INPP5A: variants seen among roughly 807,000 people sequenced by gnomAD.
The protein encoded by INPP5A is 43 kDa inositol polyphosphate 5-phophatase.
In INPP5A, 14 loss-of-function variants were observed where a neutral mutation model predicts 65.2. The ratio of observed to expected loss-of-function variants is 0.21; its 90% CI spans 0.14 to 0.34. The LOEUF (loss-of-function observed/expected upper bound fraction) is 0.34, where lower values mean the gene tolerates loss of function less well. Ranked by LOEUF, INPP5A falls within the 10% of genes least tolerant of loss-of-function variation. INPP5A has a pLI of 1.00. For synonymous variants in INPP5A, 207 were observed against 208.3 expected (o/e 0.99, Z 0.05); for missense variants, 431 against 545.6 (o/e 0.79, Z 2.09).
chr10:132,569,759 C>T (rs2071315799), intron 1 of INPP5A, among the ~76,000 whole-genome samples: 1 of 151,622 alleles, frequency 6.6e-6, no homozygotes, highest in Non-Finnish European at 1.5e-5. Flanking sequence ...TCGCCTCAGC[C>T]TCCCAAAGTG....
At chr10:132,725,466 A>C (rs7085447) in intron 8 of INPP5A, among the ~76,000 whole-genome samples, 2 of 152,170 alleles carry the variant, frequency 1.3e-5, no homozygotes, top group East Asian at 3.9e-4. Flanking sequence ...ACAAGACCAC[A>C]TAAGAACTGG....
chr10:132,643,343 A>C (rs556955071), intron 2 of INPP5A, among the ~76,000 whole-genome samples: 1 of 152,198 alleles, frequency 6.6e-6, no homozygotes, highest in African/African-American at 2.4e-5. Context: ...CACGGGCCTG[A>C]AGGATTTTGA....
chr10:132,664,807 C>T (rs190760333), intron 4 of INPP5A, among the ~76,000 whole-genome samples: 156 of 152,310 alleles, frequency 1.0e-3, no homozygotes, highest in African/African-American at 3.5e-3. Context: ...GTGACAAGCA[C>T]GATGTTTTCC....
In INPP5A at chr10:132,753,252, G is replaced by A. The variant is rs1327015043; in HGVS notation, c.903+3407G>A. ...CCATCGACGGAGGGTCAAGGTGGTC[G>A]GACGGGGAGCCTGGGGAGATAATCC... On this transcript the variant is annotated intron_variant, in intron 11 of 15. Coordinates refer to ENST00000368594, the MANE Select transcript of INPP5A (RefSeq NM_005539.5). The surrounding 1 kb of genome is among the most constrained non-coding windows in gnomAD (Gnocchi z 5.3). 2.6e-5 allele frequency among the ~76,000 whole-genome samples: 4 copies of A among 152,176 alleles called. No individual in the cohort carries two copies. Among genetic ancestry groups the A allele is most frequent in the African/African-American group, 4.8e-5 (2 of 41,444 alleles).
chr10:132,781,999 G>A (rs559203103), intron 15 of INPP5A, 38 bp from the exon 16 acceptor site: 1 of 1,612,100 alleles, frequency 6.2e-7, no homozygotes, highest in African/African-American at 1.3e-5. Flanking sequence ...TTTTCCTGGT[G>A]CGTTTGTTCC....
In INPP5A at chr10:132,651,034, C is replaced by T. The variant is rs547621483; in HGVS notation, c.306+529C>T. Among the ~76,000 whole-genome samples, 1 of 152,272 alleles carries T rather than the reference C, an allele frequency of 6.6e-6. No individual in the cohort carries two copies. The highest frequency in any genetic ancestry group is 2.4e-5 in the African/African-American group (1 of 41,564). On this transcript the variant is annotated intron_variant, in intron 4 of 15. Coordinates refer to ENST00000368594, the MANE Select transcript of INPP5A (RefSeq NM_005539.5). This position sits in a 1 kb window ranked among gnomAD's most constrained non-coding sequence, Gnocchi z 5.0. ...CAGGGCTGGGAAAGACCTGTCCCTC[C>T]TCTGCGGTCCTCTGTCAGGTGGACA...
At chr10:132,750,856 C>G (rs917212073) in intron 11 of INPP5A, among the ~76,000 whole-genome samples, 3 of 152,278 alleles carry the variant, frequency 2.0e-5, no homozygotes, top group Admixed American at 2.0e-4. Context: ...GGGGAGTGGC[C>G]GGGGGAGAGG....
At chr10:132,574,681 A>T (rs1355527190) in intron 1 of INPP5A, among the ~76,000 whole-genome samples, 1 of 127,458 alleles carries the variant, frequency 7.8e-6, no homozygotes, top group Admixed American at 7.9e-5. Flanking sequence ...TTTTTTGTAG[A>T]GATGGGGTCT....
chr10:132,760,410 G>A (rs1846711993), intron 11 of INPP5A, among the ~76,000 whole-genome samples: 1 of 152,266 alleles, frequency 6.6e-6, no homozygotes, highest in African/African-American at 2.4e-5. Flanking sequence ...TGCTCCATGA[G>A]AGCTGTGGGC....
At chr10:132,596,434 G>GTTT (rs796621283) in intron 1 of INPP5A, among the ~76,000 whole-genome samples, 1 of 142,778 alleles carries the variant, frequency 7.0e-6, no homozygotes, top group African/African-American at 2.6e-5. Context: ...GTTTTGTTTT[G>GTTT]TTTTTTTTTT....
At chr10:132,690,477 C>T (rs548078759) in intron 5 of INPP5A, 22 bp downstream of exon 5, 3 of 1,591,380 alleles carry the variant, frequency 1.9e-6, no homozygotes, top group East Asian at 2.2e-5. Context: ...TGCCGTCTTC[C>T]GGGATTTTGT....
rs1350765623 is a variant in INPP5A at position 132,573,288 on chromosome 10, G to A, written c.76-34627G>A. ...GCTGTGTGAGGTTTTGTTGATGTTG[G>A]GGTGTGTGTGCTGTGTGAGGTTTTG... On this transcript the variant is annotated intron_variant, in intron 1 of 15. Coordinates refer to ENST00000368594, the MANE Select transcript of INPP5A (RefSeq NM_005539.5). Among the ~76,000 whole-genome samples the A allele has an allele frequency of 8.9e-4, 122 of 136,570 alleles. 1 individual carries two copies. The highest frequency in any genetic ancestry group is 4.7e-3 in the Middle Eastern group (1 of 214). The allele number at this position is 136,570 out of a possible 152,430, so 89.6% of individuals were successfully genotyped here.
At chr10:132,570,700 A>G (rs2071330304) in intron 1 of INPP5A, among the ~76,000 whole-genome samples, 1 of 152,200 alleles carries the variant, frequency 6.6e-6, no homozygotes, top group African/African-American at 2.4e-5. Context: ...CAGTGCACCA[A>G]CAATAAAACC....
chr10:132,732,181 C>T (rs914472280), intron 9 of INPP5A, among the ~76,000 whole-genome samples: 1 of 152,274 alleles, frequency 6.6e-6, no homozygotes, highest in African/African-American at 2.4e-5. Flanking sequence ...TCATGCTGGA[C>T]AGACGTGGGT....
chr10:132,719,378 G>C (rs868658107), intron 8 of INPP5A, among the ~76,000 whole-genome samples: 28 of 142,210 alleles, frequency 2.0e-4, no homozygotes, highest in East Asian at 6.3e-4. Flanking sequence ...CGGCTGTCTT[G>C]CGGGTTCTGT....
chr10:132,577,200 G>A (rs752720876), intron 1 of INPP5A, among the ~76,000 whole-genome samples: 160 of 152,304 alleles, frequency 1.1e-3, no homozygotes, highest in Admixed American at 1.5e-3. Flanking sequence ...GGGTCGTGGT[G>A]CCCTGAGTGC....
At position 132,749,550 on chromosome 10, in the gene INPP5A, C is replaced by T. The variant is rs184837619; in HGVS notation, c.766C>T (p.Arg256Trp). ...LCTKATMQTV[R>W]AADTNEVVKL... The stretch of plus-strand genomic sequence containing the variant: ...CACAAAAGCCACCATGCAGACGGTC[C>T]GGGCCGCCGACACCAATGAAGTGGT... The change falls in exon 10 of 16, where the codon CGG (arginine) becomes TGG (tryptophan). Residue 256 changes from arginine to tryptophan, a missense_variant. Physicochemically the swap from Arg to Trp is moderately radical, Grantham distance 101. Transcript: ENST00000368594. The T allele has an allele frequency of 2.1e-5, 34 of 1,612,934 alleles. No individual in the cohort carries two copies. Among genetic ancestry groups the T allele is most frequent in the Non-Finnish European group, 2.8e-5 (33 of 1,180,002 alleles).
chr10:132,657,268 C>T (rs548468082), intron 4 of INPP5A, among the ~76,000 whole-genome samples: 1 of 152,340 alleles, frequency 6.6e-6, no homozygotes, highest in African/African-American at 2.4e-5. Context: ...GCTAGCGCTG[C>T]CTTTGCACCT....
At position 132,650,482 on chromosome 10, in the gene INPP5A, T is replaced by A. The variant is rs141069893; in HGVS notation, c.283T>A (p.Tyr95Asn). 2 of 1,613,328 alleles carry A rather than the reference T, an allele frequency of 1.2e-6. No homozygotes were observed. The highest frequency in any genetic ancestry group is 4.5e-5 in the East Asian group (2 of 44,894). Residue 95 changes from tyrosine to asparagine, a missense_variant, in exon 4 of 16, where the codon TAC becomes AAC. Tyr to Asn is a moderately radical substitution (Grantham distance 143, BLOSUM62 -2). Coordinates refer to ENST00000368594, the MANE Select transcript of INPP5A (RefSeq NM_005539.5). This position sits in a 1 kb window ranked among gnomAD's most constrained non-coding sequence, Gnocchi z 5.5. The part of the protein sequence containing the change: ...NRARVYLDEN[Y>N]KSQEHFTALG... ...GGCTCGAGTCTACCTGGATGAAAAC[T>A]ACAAATCCCAGGAGCACTTCACGGT...
Sources: allele counts gnomAD v4.1 joint callset (sites outside exome capture counted in the v4.1 genomes callset), GRCh38; gene constraint gnomAD v4.1.1; non-coding constraint Gnocchi (gnomAD v3.1); transcripts MANE v1.5; gene names NCBI Gene and HGNC (gene_info 2026-07-23, HGNC 2026-07-21).